The following SGCZ variants were observed in gnomAD, a reference collection of about 807,000 sequenced individuals.
SGCZ encodes the protein sarcoglycan zeta.
In SGCZ, 40 loss-of-function variants were observed where a neutral mutation model predicts 41.3. The observed-to-expected ratio is 0.97, with a 90% CI of 0.75 to 1.26. The LOEUF (loss-of-function observed/expected upper bound fraction) is 1.26. SGCZ is among the 50% of genes most tolerant of loss of function. SGCZ has a pLI of 0.00. For missense variants in SGCZ, 552 were observed against 369.8 expected (o/e 1.49, Z -4.04); for synonymous variants, 206 against 137.5 (o/e 1.50, Z -3.49).
intron 1 of SGCZ, among the ~76,000 whole-genome samples, chr8:14,797,599 A>G (rs1801177338): frequency 6.6e-6 from 1 of 152,236 alleles, no homozygotes; most frequent in Non-Finnish European, 1.5e-5. Context: ...TGGGAGAGAA[A>G]TTCAAACCTA....
At chr8:15,117,201 T>C (rs1156531697) in intron 1 of SGCZ, among the ~76,000 whole-genome samples, 3 of 151,902 alleles carry the variant, frequency 2.0e-5, no homozygotes, top group Admixed American at 2.0e-4. Flanking sequence ...CTACTAAAAA[T>C]ACAAAAAATT....
chr8:14,968,857 G>A (rs1045696377), intron 1 of SGCZ, among the ~76,000 whole-genome samples: 5 of 152,058 alleles, frequency 3.3e-5, no homozygotes, highest in African/African-American at 1.2e-4. Flanking sequence ...TTTTATGAAG[G>A]TTTGAATAAA....
intron 1 of SGCZ, among the ~76,000 whole-genome samples, chr8:14,671,980 A>G (rs1808118950): frequency 6.6e-6 from 1 of 152,156 alleles, no homozygotes; most frequent in Non-Finnish European, 1.5e-5. Context: ...AACTGAAGAG[A>G]CAGCTACATT....
At chr8:15,007,239 A>C (rs1802637560) in intron 1 of SGCZ, among the ~76,000 whole-genome samples, 1 of 152,224 alleles carries the variant, frequency 6.6e-6, no homozygotes, top group Non-Finnish European at 1.5e-5. Flanking sequence ...AAGTATATTT[A>C]GATATTAATT....
chr8:14,349,132 A>G (rs2059676), intron 2 of SGCZ, among the ~76,000 whole-genome samples: 10,074 of 152,172 alleles, frequency 0.066, 589 homozygotes, highest in African/African-American at 0.15. Context: ...ATTATTTAAC[A>G]TTCGTATGTT....
At chr8:14,554,011 T>G (rs1803955061) in intron 2 of SGCZ, among the ~76,000 whole-genome samples, 1 of 152,108 alleles carries the variant, frequency 6.6e-6, no homozygotes, top group Non-Finnish European at 1.5e-5. Context: ...TGAGCTAAAC[T>G]GGACTTTGCT....
intron 5 of SGCZ, among the ~76,000 whole-genome samples, chr8:14,155,156 T>C (rs1238735048): frequency 6.6e-6 from 1 of 152,198 alleles, no homozygotes; most frequent in Non-Finnish European, 1.5e-5. Context: ...AGCTGGCAAA[T>C]GTCCAGTTTC....
At chr8:14,740,804 T>C (rs571906347) in intron 1 of SGCZ, among the ~76,000 whole-genome samples, 2 of 152,140 alleles carry the variant, frequency 1.3e-5, no homozygotes, top group Non-Finnish European at 2.9e-5. Context: ...TTTCTTTAAG[T>C]TATCTTTGCA....
chr8:14,124,827 C>G (rs1220198245), intron 5 of SGCZ, among the ~76,000 whole-genome samples: 1 of 152,116 alleles, frequency 6.6e-6, no homozygotes, highest in African/African-American at 2.4e-5. Flanking sequence ...CCATCTTCTT[C>G]TTATAGAAAT....
intron 1 of SGCZ, among the ~76,000 whole-genome samples, chr8:14,627,423 G>A (rs1215284649): frequency 1.3e-5 from 2 of 151,998 alleles, no homozygotes; most frequent in Non-Finnish European, 2.9e-5. Flanking sequence ...GATCATTTTT[G>A]ATCCATTGTG....
chr8:14,620,460 G>A (rs576439960), intron 1 of SGCZ, among the ~76,000 whole-genome samples: 2 of 152,098 alleles, frequency 1.3e-5, no homozygotes, highest in South Asian at 2.1e-4. Context: ...AAACTAAAGA[G>A]CTTCTGCACA....
intron 4 of SGCZ, among the ~76,000 whole-genome samples, chr8:14,230,801 A>G (rs1186904657): frequency 6.6e-5 from 10 of 151,260 alleles, no homozygotes; most frequent in Admixed American, 3.3e-4. Context: ...CTTAATAATC[A>G]AAGTGCCTTT....
chr8:14,882,049 T>A (rs928058074), intron 1 of SGCZ, among the ~76,000 whole-genome samples: 10 of 152,232 alleles, frequency 6.6e-5, no homozygotes, highest in African/African-American at 2.2e-4. Context: ...ATAACATACC[T>A]GAATTTCTGG....
intron 1 of SGCZ, among the ~76,000 whole-genome samples, chr8:14,995,227 G>A (rs957544087): frequency 5.2e-4 from 79 of 152,364 alleles, no homozygotes; most frequent in African/African-American, 1.7e-3. Context: ...GAAAGCTCAC[G>A]CTGGTAGCTC....
At chr8:14,694,259 T>C (rs1195700630) in intron 1 of SGCZ, among the ~76,000 whole-genome samples, 1 of 152,190 alleles carries the variant, frequency 6.6e-6, no homozygotes, top group Admixed American at 6.5e-5. Context: ...CTGAACCTTA[T>C]TATAAAACAG....
intron 1 of SGCZ, among the ~76,000 whole-genome samples, chr8:15,052,469 G>C (rs781514476): frequency 2.6e-5 from 4 of 152,154 alleles, no homozygotes; most frequent in Non-Finnish European, 5.9e-5. Flanking sequence ...CTATGGGGGA[G>C]TAGAGGGGGA....
chr8:15,027,193 C>G lies in SGCZ; in HGVS notation c.39+210392G>C, dbSNP rs184366696. 2.6e-4 allele frequency among the ~76,000 whole-genome samples: 40 copies of G among 152,212 alleles called. 1 individual carries two copies. The highest frequency in any genetic ancestry group is 9.1e-4 in the African/African-American group (38 of 41,560). ...GGTAAAATGAGTTTTTGACCCACCTCTTACAGACTCACAATATGTACTGAC... is the reference window on the plus strand; with the variant it reads ...GGTAAAATGAGTTTTTGACCCACCTGTTACAGACTCACAATATGTACTGAC... On this transcript the variant is annotated intron_variant, in intron 1 of 7. Coordinates refer to ENST00000382080, the MANE Select transcript of SGCZ (RefSeq NM_139167.4).
chr8:14,971,517 G>T (rs1384241185), intron 1 of SGCZ, among the ~76,000 whole-genome samples: 1 of 151,684 alleles, frequency 6.6e-6, no homozygotes, highest in Non-Finnish European at 1.5e-5. Context: ...TTCTGAGACA[G>T]TTTAAGAGCA....
At chr8:15,015,685 C>A (rs1416379993) in intron 1 of SGCZ, among the ~76,000 whole-genome samples, 1 of 17,446 alleles carries the variant, frequency 5.7e-5, no homozygotes, top group Non-Finnish European at 1.4e-4. Context: ...GAGACTCCAT[C>A]TCAAAAAAAA....
Sources: allele counts gnomAD v4.1 joint callset (sites outside exome capture counted in the v4.1 genomes callset), GRCh38; gene constraint gnomAD v4.1.1; transcripts MANE v1.5; gene names NCBI Gene and HGNC (gene_info 2026-07-23, HGNC 2026-07-21).